The following SYNE1 variants were observed in gnomAD, a reference collection of about 807,000 sequenced individuals.
SYNE1 encodes nesprin-1.
SYNE1 carries 616 observed loss-of-function variants against 1,111.0 expected under a neutral mutation model. The observed-to-expected ratio is 0.55, with a 90% CI of 0.52 to 0.59. The LOEUF is 0.59. Ranked by LOEUF, SYNE1 falls within the 20% of genes least tolerant of loss-of-function variation. SYNE1 has a pLI of 0.00. For synonymous variants in SYNE1, 3,855 were observed against 3,825.8 expected (o/e 1.01, Z -0.28); for missense variants, 10,006 against 10,417.0 (o/e 0.96, Z 1.72).
chr6:152,158,955 T>C (rs2061885750), intron 131 of SYNE1, among the ~76,000 whole-genome samples: 1 of 152,208 alleles, frequency 6.6e-6, no homozygotes. Flanking sequence ...CAGCTTCAAC[T>C]TTTTTTCTTT....
At chr6:152,347,020 TA>T (rs1333935278) in intron 73 of SYNE1, 38 bp downstream of exon 73, 1 of 1,611,860 alleles carries the variant, frequency 6.2e-7, no homozygotes, top group Non-Finnish European at 8.5e-7. Flanking sequence ...CCTCTCCCCA[TA>T]ATTCCTTGTC....
chr6:152,623,985 AAAGGTTTAAGGTTT>A (rs1442577851), intron 3 of SYNE1, among the ~76,000 whole-genome samples: 2 of 152,122 alleles, frequency 1.3e-5, no homozygotes, highest in Admixed American at 1.3e-4. Context: ...TTAAAACAAA[AAAGGTTTAAGGTTT>A]TTATTACTCA....
chr6:152,430,361 G>T, intron 35 of SYNE1, 121 bp downstream of exon 35: 4 of 1,135,512 alleles, frequency 3.5e-6, no homozygotes, highest in South Asian at 1.3e-5. Flanking sequence ...AAATCAACAT[G>T]TCCCATTATT....
intron 11 of SYNE1, among the ~76,000 whole-genome samples, chr6:152,491,492 A>G (rs1232083250): frequency 6.6e-6 from 1 of 152,028 alleles, no homozygotes; most frequent in Non-Finnish European, 1.5e-5. Context: ...GTTCTCAAGA[A>G]CTTAAAACCT....
intron 81 of SYNE1, 128 bp from the exon 82 acceptor site, chr6:152,323,865 A>T: frequency 9.0e-7 from 1 of 1,110,570 alleles, no homozygotes; most frequent in Non-Finnish European, 1.3e-6. Flanking sequence ...TCCACATGTT[A>T]GGAAACTGGA....
intron 46 of SYNE1, among the ~76,000 whole-genome samples, chr6:152,403,660 T>G (rs1438173594): frequency 6.6e-6 from 1 of 152,066 alleles, no homozygotes; most frequent in Non-Finnish European, 1.5e-5. Flanking sequence ...AGGCAGAGGT[T>G]GCAGTAAGCC....
intron 3 of SYNE1, among the ~76,000 whole-genome samples, chr6:152,556,153 T>C (rs2099364363): frequency 6.6e-6 from 1 of 152,154 alleles, no homozygotes. Flanking sequence ...AGACATCAAT[T>C]TGAACAACCC....
intron 127 of SYNE1, among the ~76,000 whole-genome samples, chr6:152,195,824 A>C (rs909999521): frequency 3.5e-5 from 4 of 115,808 alleles, no homozygotes; most frequent in South Asian, 2.4e-4. Flanking sequence ...GCTACTCTCT[A>C]TGTTTGGTCA....
intron 82 of SYNE1, 105 bp from the exon 83 acceptor site, chr6:152,321,991 C>CT: frequency 2.3e-6 from 3 of 1,277,886 alleles, no homozygotes; most frequent in East Asian, 4.7e-5. Context: ...AACCTAGTAT[C>CT]TTTTTTGAAA....
In SYNE1 at chr6:152,331,150, C is replaced by G. The variant is rs933108692; in HGVS notation, c.13535G>C (p.Gly4512Ala). The G allele has an allele frequency of 6.8e-6, 11 of 1,614,140 alleles. No individual in the cohort carries two copies. The highest frequency in any genetic ancestry group is 9.3e-6 in the Non-Finnish European group (11 of 1,180,042). Residue 4512 changes from glycine to alanine, a missense_variant, in exon 78 of 146, where the codon GGA becomes GCA. By Grantham distance (60) the Gly-to-Ala change is moderately conservative. This residue lies in a region of SYNE1 where 4,955 missense variants were observed against 5,017.2 expected (regional missense o/e 0.99). Transcript: ENST00000367255. Reference sequence around the variant, plus strand: ...TAGTTCGCGACCCTGGGCCCAAAGTCCAGTGACTTCATTTTGGTAAGTCTT... The same window carrying G: ...TAGTTCGCGACCCTGGGCCCAAAGTGCAGTGACTTCATTTTGGTAAGTCTT... Reference protein sequence around the residue: ...SLKTYQNEVTGLWAQGRELMK... With the variant: ...SLKTYQNEVTALWAQGRELMK...
intron 133 of SYNE1, among the ~76,000 whole-genome samples, chr6:152,152,829 T>C (rs2060686481): frequency 1.3e-5 from 2 of 152,202 alleles, no homozygotes; most frequent in African/African-American, 4.8e-5. Flanking sequence ...ATAAAACATG[T>C]TAGAGCTAGT....
intron 61 of SYNE1, 102 bp from the exon 62 acceptor site, chr6:152,367,484 C>A: frequency 1.5e-6 from 2 of 1,353,794 alleles, no homozygotes; most frequent in South Asian, 2.3e-5. Context: ...TGGCTTCATA[C>A]GCTGCACAGA....
At chr6:152,408,616 G>A (rs753034260) in intron 44 of SYNE1, among the ~76,000 whole-genome samples, 2 of 152,046 alleles carry the variant, frequency 1.3e-5, no homozygotes, top group African/African-American at 2.4e-5. Context: ...ATGTGAGCAC[G>A]GTTTTTCCTC....
At chr6:152,495,135 A>C (rs2098992277) in intron 11 of SYNE1, among the ~76,000 whole-genome samples, 1 of 152,092 alleles carries the variant, frequency 6.6e-6, no homozygotes, top group African/African-American at 2.4e-5. Flanking sequence ...ATCTATCCTC[A>C]AGGAAATCAC....
intron 102 of SYNE1, among the ~76,000 whole-genome samples, chr6:152,256,319 AT>A (rs2153627297): frequency 6.6e-6 from 1 of 151,018 alleles, no homozygotes; most frequent in South Asian, 2.1e-4. Context: ...AGTCCCAGCT[AT>A]TCGGGAGGGT....
intron 55 of SYNE1, among the ~76,000 whole-genome samples, chr6:152,384,031 T>G (rs1487799684): frequency 6.6e-6 from 1 of 152,214 alleles, no homozygotes; most frequent in Non-Finnish European, 1.5e-5. Flanking sequence ...ATCCACTGGA[T>G]TTTCTTATTG....
rs752906041 is a variant in SYNE1 at position 152,232,269 on chromosome 6, T to C, written c.20713-4A>G. 1 of 1,613,840 alleles carries C rather than the reference T, an allele frequency of 6.2e-7. No homozygotes were observed. The highest frequency in any genetic ancestry group is 1.1e-5 in the South Asian group (1 of 91,064). On this transcript the variant is annotated splice_region_variant and splice_polypyrimidine_tract_variant and intron_variant, in intron 112 of 145. Transcript: ENST00000367255. ...AAGGCAGTTTATCCATCTGGAGCTG[T>C]CCAAGTCAGGGAGAGAACCAGTCCC... is the stretch of plus-strand genomic sequence containing the variant.
intron 66 of SYNE1, among the ~76,000 whole-genome samples, chr6:152,357,956 C>G (rs1214025178): frequency 4.6e-5 from 7 of 152,164 alleles, no homozygotes; most frequent in African/African-American, 1.7e-4. Context: ...AGCAATGTGG[C>G]AGGTTTTGCT....
At chr6:152,181,798 T>C (rs1379453497) in intron 128 of SYNE1, among the ~76,000 whole-genome samples, 3 of 152,232 alleles carry the variant, frequency 2.0e-5, no homozygotes, top group African/African-American at 7.2e-5. Flanking sequence ...CATGTTTTCA[T>C]TTCTCCTAGG....
Sources: gnomAD v4.1 joint callset for allele counts (sites outside exome capture counted in the v4.1 genomes callset) on GRCh38, gnomAD v4.1.1 for gene constraint, gnomAD v4.1.1 regional missense constraint, MANE v1.5 for transcripts, NCBI Gene and HGNC (gene_info 2026-07-23, HGNC 2026-07-21) for gene names.